CASP10: variants seen among roughly 807,000 people sequenced by gnomAD.
CASP10 encodes the protein caspase-10.
Under a neutral mutation model 48.5 loss-of-function variants are expected in CASP10, and 41 were observed. The ratio of observed to expected loss-of-function variants is 0.85; its 90% CI spans 0.66 to 1.10. The LOEUF (loss-of-function observed/expected upper bound fraction) is 1.10, where lower values mean the gene tolerates loss of function less well. Among genes scored for constraint, CASP10 ranks in the 50% least tolerant of loss-of-function variants. The pLI is 0.00. For missense variants in CASP10, 614 were observed against 614.5 expected (o/e 1.00, Z 0.01); for synonymous variants, 232 against 238.4 (o/e 0.97, Z 0.25).
chr2:201,224,674 C>T (rs1487442640), downstream of CASP10, among the ~76,000 whole-genome samples: 1 of 152,106 alleles, frequency 6.6e-6, no homozygotes, highest in African/African-American at 2.4e-5. Flanking sequence ...CAGTAGGTCT[C>T]ATTTTAAGTG....
chr2:201,223,969 C>CT (rs1465653869), downstream of CASP10, among the ~76,000 whole-genome samples: 777 of 147,986 alleles, frequency 5.3e-3, 9 homozygotes, highest in African/African-American at 0.018. Flanking sequence ...AAATGGAACT[C>CT]TTTTCTTTTT....
chr2:201,184,029 G>A lies in CASP10; in HGVS notation c.-8+721G>A, dbSNP rs1035971713. Among the ~76,000 whole-genome samples, 5 of 152,098 alleles carry A rather than the reference G, an allele frequency of 3.3e-5. 1 individual carries two copies. The highest frequency in any genetic ancestry group is 3.3e-4 in the Admixed American group (5 of 15,268). The stretch of plus-strand genomic sequence containing the variant: ...TCCCATCTCAGCTTCCTATGAAGCT[G>A]GGACCACAGGCATACACCACCAAGC... On this transcript the variant is annotated intron_variant, in intron 1 of 9. Coordinates refer to ENST00000286186, the MANE Select transcript of CASP10 (RefSeq NM_032977.4).
downstream of CASP10, among the ~76,000 whole-genome samples, chr2:201,224,270 C>CA (rs994732747): frequency 5.8e-4 from 84 of 143,776 alleles, no homozygotes; most frequent in Admixed American, 2.4e-3. Flanking sequence ...CGTGCCTGGC[C>CA]AAAAAAAAAT....
intron 2 of CASP10, among the ~76,000 whole-genome samples, chr2:201,186,836 A>T (rs1342263640): frequency 6.6e-6 from 1 of 151,998 alleles, no homozygotes; most frequent in East Asian, 1.9e-4. Context: ...ACAGGCACCC[A>T]CCACCACACC....
chr2:201,208,977 C>A, intron 8 of CASP10, 93 bp from the exon 9 acceptor site: 1 of 1,420,496 alleles, frequency 7.0e-7, no homozygotes, highest in Non-Finnish European at 9.6e-7. Flanking sequence ...TGTGCCCGGC[C>A]TTGTTTCAGT....
chr2:201,209,131 G>GA lies in CASP10; in HGVS notation c.987dup (p.Val330SerfsTer40). On this transcript the variant is annotated frameshift_variant, in exon 9 of 10. Transcript: ENST00000286186. LOFTEE classifies it high-confidence loss of function. ...CAGTGCATATACACAATAATGTGAC[G>GA]AAAGTGGAAATGGAGATGGTCCTGC... 1.9e-6 allele frequency: 3 copies of GA among 1,610,858 alleles called. No individual in the cohort carries two copies. The highest frequency in any genetic ancestry group is 2.5e-6 in the Non-Finnish European group (3 of 1,179,294).
intron 7 of CASP10, among the ~76,000 whole-genome samples, chr2:201,206,834 AT>A (rs1222877974): frequency 1.3e-5 from 2 of 152,240 alleles, no homozygotes; most frequent in Admixed American, 6.5e-5. Context: ...TCTGAAAAAA[AT>A]CTTTGATATT....
intron 9 of CASP10, among the ~76,000 whole-genome samples, chr2:201,228,153 T>C (rs1396881799): frequency 6.6e-6 from 1 of 152,110 alleles, no homozygotes; most frequent in Non-Finnish European, 1.5e-5. Flanking sequence ...CTGGCCAACA[T>C]GGTGAAACCC....
chr2:201,190,804 T>C (rs758696702), intron 3 of CASP10, among the ~76,000 whole-genome samples: 10 of 152,048 alleles, frequency 6.6e-5, no homozygotes, highest in Non-Finnish European at 1.5e-4. Flanking sequence ...TCTCTTTTGC[T>C]TGCACAGGTT....
rs772742614 is a variant in CASP10 at position 201,187,696 on chromosome 2, T to C, written c.348-10T>C. On this transcript the variant is annotated splice_polypyrimidine_tract_variant and intron_variant, in intron 2 of 9. Coordinates refer to ENST00000286186, the MANE Select transcript of CASP10 (RefSeq NM_032977.4). ...AAGGCTTTATTTGTCATTTTGGGTG[T>C]GTGTCTTAGAAACCTGCTCTACGAA... The C allele has an allele frequency of 1.2e-6, 2 of 1,604,014 alleles. No individual in the cohort carries two copies. Among genetic ancestry groups the C allele is most frequent in the South Asian group, 2.2e-5 (2 of 90,912 alleles).
Position 201,220,879 on chromosome 2 carries a change from G to T in CASP10, c.*3138G>T. 17 of 985,458 alleles carry T rather than the reference G, an allele frequency of 1.7e-5. No individual in the cohort carries two copies. The highest frequency in any genetic ancestry group is 1.9e-5 in the Non-Finnish European group (16 of 829,946). 61.0% of individuals were successfully genotyped at this position (985,458 alleles called of 1,614,324 possible). On this transcript the variant is annotated 3_prime_UTR_variant, in exon 10 of 10. Coordinates refer to ENST00000286186, the MANE Select transcript of CASP10 (RefSeq NM_032977.4). ...GTGAGATACTGAGGAAAGAGCAAAG[G>T]ATCTGGAGATCAAAGCCCTGCATTT... is the stretch of plus-strand genomic sequence containing the variant.
chr2:201,227,962 C>T (rs1293250201), intron 9 of CASP10, among the ~76,000 whole-genome samples: 1 of 152,180 alleles, frequency 6.6e-6, no homozygotes, highest in Non-Finnish European at 1.5e-5. Flanking sequence ...TGCTGGCATT[C>T]CTCCACTCTG....
Position 201,186,584 on chromosome 2 carries a change from G to A in CASP10, c.347+460G>A, listed in dbSNP as rs529836039. Among the ~76,000 whole-genome samples, 5 of 152,302 alleles carry A rather than the reference G, an allele frequency of 3.3e-5. No homozygotes were observed. The East Asian group carries it at 9.6e-4, about 29-fold the overall frequency. Reference sequence around the variant, plus strand: ...AGGGATGTCATTTATGCCATGTCTAGTTATAGAAATTTCTATATTTTTGGG... The same window carrying A: ...AGGGATGTCATTTATGCCATGTCTAATTATAGAAATTTCTATATTTTTGGG... On this transcript the variant is annotated intron_variant, in intron 2 of 9. Coordinates refer to ENST00000286186, the MANE Select transcript of CASP10 (RefSeq NM_032977.4).
chr2:201,198,341 A>G (rs1250349962), intron 5 of CASP10, among the ~76,000 whole-genome samples: 2 of 149,910 alleles, frequency 1.3e-5, no homozygotes, highest in African/African-American at 4.9e-5. Flanking sequence ...CTCCTGCCTC[A>G]GCCTCCCAAG....
chr2:201,212,105 C>T (rs1299191105), intron 9 of CASP10, among the ~76,000 whole-genome samples: 18 of 152,088 alleles, frequency 1.2e-4, no homozygotes, highest in African/African-American at 1.4e-4. Flanking sequence ...TGTGCCACCA[C>T]GCCTGGCTAA....
At chr2:201,212,681 ATGT>A (rs1001267842) in intron 9 of CASP10, 4 of 152,226 alleles carry the variant, frequency 2.6e-5, no homozygotes, top group Non-Finnish European at 5.9e-5. Context: ...GAGTTGGAAA[ATGT>A]TGTTGGCAGT....
chr2:201,184,746 C>A (rs968898912), intron 1 of CASP10, among the ~76,000 whole-genome samples: 31 of 152,150 alleles, frequency 2.0e-4, no homozygotes. Context: ...CACTGCATTG[C>A]TCCTCTGATT....
rs925967871 is a variant in CASP10 at position 201,193,545 on chromosome 2, G to A, written c.577+426G>A. 1.4e-5 allele frequency: 3 copies of A among 215,084 alleles called. No homozygotes were observed. In the East Asian group the frequency reaches 3.5e-4, roughly 25 times the overall value. The allele number at this position is 215,084 out of a possible 1,614,324, so 13.3% of individuals were successfully genotyped here. A position where few individuals can be genotyped will look rare whatever the true frequency, so the allele number is the denominator to read the frequency against. The stretch of plus-strand genomic sequence containing the variant: ...TTACTCATCATTCTGATAATATTCT[G>A]CTAGGAAAGCCAGAAATCTTCCCCT... On this transcript the variant is annotated intron_variant, in intron 4 of 9. Transcript: ENST00000286186.
Position 201,220,978 on chromosome 2 carries a change from G to A in CASP10, c.*3237G>A. ...AGCTTTTTTCAGCCTTGTCTGTAAA[G>A]TAGAGAAAACATTAGCTGTTGGGAA... On this transcript the variant is annotated 3_prime_UTR_variant, in exon 10 of 10. Coordinates refer to ENST00000286186, the MANE Select transcript of CASP10 (RefSeq NM_032977.4). The A allele has an allele frequency of 2.0e-6, 2 of 985,448 alleles. No individual in the cohort carries two copies. Among genetic ancestry groups the A allele is most frequent in the Non-Finnish European group, 1.2e-6 (1 of 829,946 alleles). The allele number at this position is 985,448 out of a possible 1,614,324, so 61.0% of individuals were successfully genotyped here.
Sources: gnomAD v4.1 joint callset for allele counts (sites outside exome capture counted in the v4.1 genomes callset) on GRCh38, gnomAD v4.1.1 for gene constraint, MANE v1.5 for transcripts, NCBI Gene and HGNC (gene_info 2026-07-23, HGNC 2026-07-21) for gene names.